Variants in CHST11 observed in about 807,000 individuals in gnomAD.
CHST11 encodes the protein C4S-1.
CHST11 carries 9 observed loss-of-function variants against 30.4 expected under a neutral mutation model. The ratio of observed to expected loss-of-function variants is 0.30; its 90% confidence interval spans 0.18 to 0.52. CHST11 has a LOEUF of 0.52. Among genes scored for constraint, CHST11 ranks in the 20% least tolerant of loss-of-function variants. The pLI, the probability that CHST11 is intolerant of heterozygous loss-of-function variation, is 0.97. For missense variants in CHST11, 348 were observed against 460.6 expected (o/e 0.76, Z 2.24); for synonymous variants, 152 against 187.8 (o/e 0.81, Z 1.56).
chr12:104,713,877 G>C lies in CHST11; in HGVS notation c.205-43072G>C, dbSNP rs564277901. 2.3e-3 allele frequency among the ~76,000 whole-genome samples: 352 copies of C among 152,332 alleles called. 1 individual carries two copies. The highest frequency in any genetic ancestry group is 8.3e-3 in the African/African-American group (345 of 41,576). ...GCAGCAGGCGAGGCTAGGGTGTAGA[G>C]AGATACGTTCGTTGCATTTTTGCCA... On this transcript the variant is annotated intron_variant, in intron 2 of 2. Coordinates refer to ENST00000303694, the MANE Select transcript of CHST11 (RefSeq NM_018413.6).
intron 1 of CHST11, among the ~76,000 whole-genome samples, chr12:104,491,443 C>CTCTTCT (rs147243817): frequency 0.024 from 3,599 of 151,604 alleles, 139 homozygotes; most frequent in African/African-American, 0.083. Context: ...TTACCTTAGT[C>CTCTTCT]TCTTCTTCTT....
At chr12:104,582,236 A>T (rs150469009) in intron 1 of CHST11, among the ~76,000 whole-genome samples, 16 of 152,210 alleles carry the variant, frequency 1.1e-4, no homozygotes, top group South Asian at 4.1e-4. Flanking sequence ...GCAAACTGAG[A>T]TGCAGGGGGT....
intron 1 of CHST11, among the ~76,000 whole-genome samples, chr12:104,568,600 C>T (rs1161811670): frequency 6.6e-6 from 1 of 152,172 alleles, no homozygotes. Context: ...GATGGGACCT[C>T]CCCTAGAGAT....
chr12:104,701,032 C>T (rs897532730), intron 2 of CHST11, among the ~76,000 whole-genome samples: 1 of 152,216 alleles, frequency 6.6e-6, no homozygotes, highest in East Asian at 1.9e-4. Context: ...TGCTTGAACC[C>T]CATAGGAGCT....
Position 104,637,302 on chromosome 12 carries a change from T to TAAAAAAAAAAA in CHST11, c.204+35334_204+35344dup, listed in dbSNP as rs10622882. Among the ~76,000 whole-genome samples, 159 of 62,558 alleles carry TAAAAAAAAAAA rather than the reference T, an allele frequency of 2.5e-3. 8 individuals are homozygous for TAAAAAAAAAAA. The highest frequency in any genetic ancestry group is 0.01 in the Middle Eastern group (1 of 100). The allele number at this position is 62,558 out of a possible 152,430, so 41.0% of individuals were successfully genotyped here. A position where few individuals can be genotyped will look rare whatever the true frequency, so the allele number is the denominator to read the frequency against. On this transcript the variant is annotated intron_variant, in intron 2 of 2. Coordinates refer to ENST00000303694, the MANE Select transcript of CHST11 (RefSeq NM_018413.6). ...CCTGGGCCATGGGAGTGAGACCCTG[T>TAAAAAAAAAAA]AAAAAAAAAAAAAAAAAAAAAAAAA...
intron 1 of CHST11, among the ~76,000 whole-genome samples, chr12:104,533,339 G>A (rs902272429): frequency 2.0e-5 from 3 of 152,166 alleles, no homozygotes; most frequent in African/African-American, 4.8e-5. Flanking sequence ...TGTTCCCAGC[G>A]TCATGGATTC....
chr12:104,566,083 C>T (rs2136020056), intron 1 of CHST11, among the ~76,000 whole-genome samples: 1 of 152,340 alleles, frequency 6.6e-6, no homozygotes, highest in South Asian at 2.1e-4. Flanking sequence ...TATGTCCAGG[C>T]AGCATGACTG....
At chr12:104,648,247 A>G (rs1364545217) in intron 2 of CHST11, among the ~76,000 whole-genome samples, 1 of 152,204 alleles carries the variant, frequency 6.6e-6, no homozygotes, top group Non-Finnish European at 1.5e-5. Flanking sequence ...GGGCACGTAC[A>G]TTCCCGAAAA....
chr12:104,535,340 G>A (rs1203528465), intron 1 of CHST11, among the ~76,000 whole-genome samples: 1 of 152,214 alleles, frequency 6.6e-6, no homozygotes, highest in Admixed American at 6.5e-5. Context: ...TTGTTTTGGG[G>A]ACCTTTCAGC....
chr12:104,748,681 C>T (rs1048140039), intron 2 of CHST11, among the ~76,000 whole-genome samples: 3 of 152,086 alleles, frequency 2.0e-5, no homozygotes, highest in East Asian at 1.9e-4. Context: ...CAGCCCCACC[C>T]GGCACCTTAG....
intron 2 of CHST11, among the ~76,000 whole-genome samples, chr12:104,693,593 G>A (rs2039918561): frequency 6.6e-6 from 1 of 152,192 alleles, no homozygotes; most frequent in South Asian, 2.1e-4. Context: ...CAAGAAAGTG[G>A]CAATGCTAAT....
intron 1 of CHST11, among the ~76,000 whole-genome samples, chr12:104,551,164 G>T (rs765208031): frequency 1.3e-5 from 2 of 152,160 alleles, no homozygotes; most frequent in African/African-American, 2.4e-5. Flanking sequence ...TATTAAGAAA[G>T]GAAAGCAGTT....
chr12:104,624,176 C>G (rs1270327520), intron 2 of CHST11, among the ~76,000 whole-genome samples: 1 of 152,146 alleles, frequency 6.6e-6, no homozygotes, highest in Admixed American at 6.5e-5. Context: ...GCCTCTGATC[C>G]TAGGGGAATT....
At chr12:104,623,077 C>T (rs569276261) in intron 2 of CHST11, among the ~76,000 whole-genome samples, 8 of 152,300 alleles carry the variant, frequency 5.3e-5, no homozygotes, top group Non-Finnish European at 8.8e-5. Flanking sequence ...TGCAACTACT[C>T]AGCTTTGCCC....
chr12:104,584,464 C>A (rs1688203495), intron 1 of CHST11, among the ~76,000 whole-genome samples: 1 of 151,904 alleles, frequency 6.6e-6, no homozygotes, highest in Non-Finnish European at 1.5e-5. Context: ...ACCACGTTAG[C>A]CAGACTGGTC....
chr12:104,485,861 C>T (rs1467853338), intron 1 of CHST11, among the ~76,000 whole-genome samples: 1 of 152,232 alleles, frequency 6.6e-6, no homozygotes, highest in Non-Finnish European at 1.5e-5. Flanking sequence ...CTCCTCCCTT[C>T]AGGGCCCCTT....
chr12:104,507,495 G>A (rs12303997), intron 1 of CHST11, among the ~76,000 whole-genome samples: 2,796 of 152,250 alleles, frequency 0.018, 92 homozygotes, highest in African/African-American at 0.064. Flanking sequence ...TCCCTTCTCT[G>A]GGCCTTGGTT....
In CHST11 at chr12:104,676,479, A is replaced by G. The variant is rs990807769; in HGVS notation, c.204+74488A>G. ...CACCAGGCTGGAGTGCAGTGGCGCA[A>G]TCTCGGCTCACTGCAACCTCCGCCT... On this transcript the variant is annotated intron_variant, in intron 2 of 2. Transcript: ENST00000303694. This position sits in a 1 kb window ranked among gnomAD's most constrained non-coding sequence, Gnocchi z 4.4. 2.2e-4 allele frequency among the ~76,000 whole-genome samples: 34 copies of G among 152,172 alleles called. No homozygotes were observed. Among genetic ancestry groups the G allele is most frequent in the Admixed American group, 2.2e-3 (33 of 15,282 alleles).
chr12:104,668,802 G>A (rs1366531765), intron 2 of CHST11, among the ~76,000 whole-genome samples: 1 of 152,204 alleles, frequency 6.6e-6, no homozygotes, highest in Non-Finnish European at 1.5e-5. Context: ...ACAGCCCTCA[G>A]CAAACTGTTC....
Sources: allele counts gnomAD v4.1 joint callset (sites outside exome capture counted in the v4.1 genomes callset), GRCh38; gene constraint gnomAD v4.1.1; non-coding constraint Gnocchi (gnomAD v3.1); transcripts MANE v1.5; gene names NCBI Gene and HGNC (gene_info 2026-07-23, HGNC 2026-07-21).